TRIQK: variants seen among roughly 807,000 people sequenced by gnomAD.
TRIQK encodes triple QxxK/R motif-containing protein.
Under a neutral mutation model 10.8 loss-of-function variants are expected in TRIQK, and 10 were observed. The ratio of observed to expected loss-of-function variants is 0.92; its 90% CI spans 0.57 to 1.57. The LOEUF is 1.57. Ranked by LOEUF, TRIQK falls within the 40% of genes most tolerant of loss-of-function variation. The pLI, the probability that TRIQK is intolerant of heterozygous loss-of-function variation, is 0.00. For missense variants in TRIQK, 107 were observed against 97.7 expected (o/e 1.09, Z -0.40); for synonymous variants, 33 against 33.7 (o/e 0.98, Z 0.07).
chr8:92,886,759 T>A, intron 4 of TRIQK, 24 bp from the exon 5 acceptor site: 1 of 1,286,848 alleles, frequency 7.8e-7, no homozygotes, highest in Non-Finnish European at 1.1e-6. Context: ...AAAAGTAGAC[T>A]TGAAATTGAT....
chr8:93,009,897 G>T (rs1234071457), intron 1 of TRIQK, among the ~76,000 whole-genome samples: 4 of 152,062 alleles, frequency 2.6e-5, no homozygotes, highest in African/African-American at 9.7e-5. Flanking sequence ...CAACACTTAG[G>T]TTGAAATGTA....
intron 1 of TRIQK, among the ~76,000 whole-genome samples, chr8:92,984,460 G>A (rs1192602872): frequency 2.0e-5 from 3 of 152,120 alleles, no homozygotes; most frequent in Non-Finnish European, 2.9e-5. Flanking sequence ...TCTGAAAAGT[G>A]TGAGTTCAGT....
intron 1 of TRIQK, among the ~76,000 whole-genome samples, chr8:92,997,823 T>A (rs545774910): frequency 3.9e-5 from 6 of 152,176 alleles, no homozygotes; most frequent in South Asian, 2.1e-4. Flanking sequence ...TGGGCTTTTT[T>A]AAAATCCATA....
intron 1 of TRIQK, among the ~76,000 whole-genome samples, chr8:92,959,350 C>T (rs1202405084): frequency 6.6e-6 from 1 of 151,814 alleles, no homozygotes; most frequent in African/African-American, 2.4e-5. Context: ...AAATCTAGGT[C>T]GTTCTTATTG....
chr8:92,967,492 A>C (rs900830714), upstream of TRIQK, among the ~76,000 whole-genome samples: 17 of 152,136 alleles, frequency 1.1e-4, no homozygotes, highest in African/African-American at 3.9e-4. Context: ...CTTGATTTGT[A>C]TGACTCAGAG....
rs2130199478 is a variant in TRIQK at position 92,884,505 on chromosome 8, A to G, written c.*2117T>C. The G allele has an allele frequency of 3.6e-6, 1 of 280,718 alleles. No homozygotes were observed. Among genetic ancestry groups the G allele is most frequent in the South Asian group, 3.6e-5 (1 of 27,656 alleles). 17.4% of individuals were successfully genotyped at this position (280,718 alleles called of 1,614,324 possible). A position where few individuals can be genotyped will look rare whatever the true frequency, so the allele number is the denominator to read the frequency against. On this transcript the variant is annotated 3_prime_UTR_variant, in exon 5 of 5. Transcript: ENST00000521988. ...TAGCTGTAGACTCAGGATATCAATA[A>G]AACTAGGCAGTGAAATTTGCCTATA...
chr8:92,911,258 TA>T (rs925028011), intron 3 of TRIQK, among the ~76,000 whole-genome samples: 7 of 149,800 alleles, frequency 4.7e-5, no homozygotes, highest in African/African-American at 1.5e-4. Context: ...ACAGAAAAGA[TA>T]AAAAAAACTA....
chr8:92,954,457 G>A lies in TRIQK; in HGVS notation c.-73C>T, dbSNP rs1812071973. The A allele has an allele frequency of 6.6e-6, 1 of 151,962 alleles. No individual in the cohort carries two copies. Among genetic ancestry groups the A allele is most frequent in the African/African-American group, 2.4e-5 (1 of 41,418 alleles). 9.4% of individuals were successfully genotyped at this position (151,962 alleles called of 1,614,324 possible). ...AGTCTAAACTCTGGAGAGCTGCCAA[G>A]GGGTAAGATGTTTCCAAAGCCAAGG... On this transcript the variant is annotated 5_prime_UTR_variant, in exon 2 of 5. Transcript: ENST00000521988.
At chr8:92,961,457 T>C (rs1812452666) in intron 1 of TRIQK, among the ~76,000 whole-genome samples, 1 of 152,210 alleles carries the variant, frequency 6.6e-6, no homozygotes, top group Non-Finnish European at 1.5e-5. Context: ...GGCAACGTAT[T>C]ATAATGCTCA....
intron 1 of TRIQK, among the ~76,000 whole-genome samples, chr8:92,982,147 AAG>A (rs1037334377): frequency 6.6e-6 from 1 of 151,862 alleles, no homozygotes; most frequent in Non-Finnish European, 1.5e-5. Context: ...ATTATTGAAA[AAG>A]AATTATTAAT....
At chr8:92,992,898 C>T (rs1392380744) in intron 1 of TRIQK, among the ~76,000 whole-genome samples, 2 of 152,198 alleles carry the variant, frequency 1.3e-5, no homozygotes, top group Admixed American at 1.3e-4. Context: ...AAATTCCAAA[C>T]TAGCTCAACT....
Position 92,890,730 on chromosome 8 carries a change from A to T in TRIQK, c.147+1259T>A, listed in dbSNP as rs769380738. Reference sequence around the variant, plus strand: ...CCCCATATTTTTCTAAGAAACAAACAAACTAATTAAAACAACAAAAATCCC... The same window carrying T: ...CCCCATATTTTTCTAAGAAACAAACTAACTAATTAAAACAACAAAAATCCC... On this transcript the variant is annotated intron_variant, in intron 4 of 4. Coordinates refer to ENST00000521988, the MANE Select transcript of TRIQK (RefSeq NM_001171797.2). 2.6e-5 allele frequency among the ~76,000 whole-genome samples: 4 copies of T among 151,892 alleles called. No homozygotes were observed. In the East Asian group the frequency reaches 7.7e-4, roughly 29 times the overall value.
intron 2 of TRIQK, among the ~76,000 whole-genome samples, chr8:92,930,375 G>T (rs1810653944): frequency 9.8e-6 from 1 of 102,010 alleles, no homozygotes; most frequent in African/African-American, 4.0e-5. Flanking sequence ...AGGCAACAAA[G>T]CGAGACTAGG....
At chr8:92,926,087 A>C (rs563510506) in intron 2 of TRIQK, among the ~76,000 whole-genome samples, 1 of 152,230 alleles carries the variant, frequency 6.6e-6, no homozygotes, top group Non-Finnish European at 1.5e-5. Flanking sequence ...CCCAAAAAAA[A>C]AATTGGAAGC....
chr8:92,950,912 T>C (rs935133965), intron 2 of TRIQK, among the ~76,000 whole-genome samples: 26 of 152,098 alleles, frequency 1.7e-4, no homozygotes, highest in African/African-American at 5.3e-4. Flanking sequence ...CCATCAGGGA[T>C]TGGTTCCAGG....
intron 1 of TRIQK, among the ~76,000 whole-genome samples, chr8:92,993,201 T>C (rs72677476): frequency 0.031 from 4,684 of 152,258 alleles, 118 homozygotes; most frequent in South Asian, 0.049. Flanking sequence ...CTTTCCCCAA[T>C]CAACATTTTT....
intron 1 of TRIQK, among the ~76,000 whole-genome samples, chr8:92,959,511 A>T (rs1812341531): frequency 6.6e-6 from 1 of 150,376 alleles, no homozygotes; most frequent in Non-Finnish European, 1.5e-5. Context: ...ACACACACAC[A>T]CACACACACA....
upstream of TRIQK, among the ~76,000 whole-genome samples, chr8:92,967,799 G>A (rs1243102305): frequency 1.5e-5 from 2 of 134,206 alleles, no homozygotes; most frequent in African/African-American, 2.8e-5. Flanking sequence ...TCCAGCCTGG[G>A]CAACTGAGTG....
intron 2 of TRIQK, among the ~76,000 whole-genome samples, chr8:92,946,762 C>CTT (rs1274409030): frequency 2.8e-5 from 4 of 141,916 alleles, no homozygotes; most frequent in Non-Finnish European, 3.1e-5. Context: ...TTTTATTTTA[C>CTT]TTTTTTTTTT....
Sources: gnomAD v4.1 joint callset for allele counts (sites outside exome capture counted in the v4.1 genomes callset) on GRCh38, gnomAD v4.1.1 for gene constraint, MANE v1.5 for transcripts, NCBI Gene and HGNC (gene_info 2026-07-23, HGNC 2026-07-21) for gene names.